ZNF33A: variants seen among roughly 807,000 people sequenced by gnomAD.
ZNF33A encodes zinc finger protein 33A.
ZNF33A carries 9 observed loss-of-function variants against 15.9 expected under a neutral mutation model. The ratio of observed to expected loss-of-function variants is 0.57; its 90% CI spans 0.34 to 0.99. ZNF33A has a LOEUF of 0.99. Ranked by LOEUF, ZNF33A falls within the 50% of genes least tolerant of loss-of-function variation. ZNF33A has a pLI of 0.02. For synonymous variants in ZNF33A, 294 were observed against 324.2 expected, an observed-to-expected ratio of 0.91 and a Z score of 1.00; for missense variants, 843 against 941.6, an observed-to-expected ratio of 0.90 and a Z score of 1.37.
intron 4 of ZNF33A, among the ~76,000 whole-genome samples, chr10:38,041,289 C>T (rs543025161): frequency 6.6e-6 from 1 of 150,956 alleles, no homozygotes; most frequent in Admixed American, 6.7e-5. Flanking sequence ...TGTCCAGTGT[C>T]TCTCATTCCA....
chr10:38,054,547 G>T lies in ZNF33A; in HGVS notation c.423G>T (p.Gln141His), dbSNP rs138087023. Residue 141 changes from glutamine to histidine, a missense_variant, in exon 5 of 5, where the codon CAG becomes CAT. By Grantham distance (24) the Gln-to-His change is conservative. Coordinates refer to ENST00000432900, the MANE Select transcript of ZNF33A (RefSeq NM_006954.2). ...SSFPSRKMFC[Q>H]CDSCGMSFNT... The stretch of plus-strand genomic sequence containing the variant: ...TTCCTTCCAGAAAAATGTTCTGTCA[G>T]TGTGATTCATGTGGAATGAGTTTCA... The T allele has an allele frequency of 1.7e-4, 279 of 1,612,676 alleles. 1 individual carries two copies. The African/African-American group carries it at 2.8e-3, about 16-fold the overall frequency.
chr10:38,037,536 G>A (rs2135673611), intron 4 of ZNF33A, among the ~76,000 whole-genome samples: 1 of 152,096 alleles, frequency 6.6e-6, no homozygotes, highest in South Asian at 2.1e-4. Context: ...ATATTGGCCA[G>A]GCTGGTCTTG....
chr10:38,063,404 T>G (rs2066678725), downstream of ZNF33A, among the ~76,000 whole-genome samples: 1 of 152,166 alleles, frequency 6.6e-6, no homozygotes, highest in South Asian at 2.1e-4. Context: ...CCAAGAGGCT[T>G]GAACTTGACA....
upstream of ZNF33A, chr10:38,010,552 C>T (rs1158373092): frequency 2.6e-6 from 2 of 772,690 alleles, no homozygotes; most frequent in Non-Finnish European, 4.5e-6. Flanking sequence ...CGGGGCACTT[C>T]TCTACCAATC....
intron 4 of ZNF33A, among the ~76,000 whole-genome samples, chr10:38,047,035 C>T (rs2065971471): frequency 6.6e-6 from 1 of 151,488 alleles, no homozygotes; most frequent in Non-Finnish European, 1.5e-5. Context: ...AAAAAATTAG[C>T]TGGGTGTGGT....
intron 4 of ZNF33A, among the ~76,000 whole-genome samples, chr10:38,044,800 T>TG (rs1298431096): frequency 6.6e-6 from 1 of 152,022 alleles, no homozygotes; most frequent in Non-Finnish European, 1.5e-5. Context: ...CCAGAGTAGC[T>TG]GGGATTACAA....
intron 2 of ZNF33A, among the ~76,000 whole-genome samples, chr10:38,015,164 T>A (rs1470030462): frequency 6.6e-6 from 1 of 152,152 alleles, no homozygotes; most frequent in African/African-American, 2.4e-5. Context: ...TGTGAGCCAC[T>A]GTGCCTGGCC....
chr10:38,026,744 T>C (rs2065009159), intron 4 of ZNF33A, among the ~76,000 whole-genome samples: 2 of 152,242 alleles, frequency 1.3e-5, no homozygotes, highest in East Asian at 3.8e-4. Flanking sequence ...GGGATCTAAC[T>C]TTATTTTCTC....
chr10:38,030,828 T>G (rs373293043), intron 4 of ZNF33A, among the ~76,000 whole-genome samples: 130 of 152,186 alleles, frequency 8.5e-4, no homozygotes, highest in African/African-American at 3.0e-3. Context: ...AGAGGGGAGA[T>G]GGGTGGGATT....
At chr10:38,043,940 G>T (rs2065830116) in intron 4 of ZNF33A, 1 of 147,924 alleles carries the variant, frequency 6.8e-6, no homozygotes, top group African/African-American at 2.5e-5. Context: ...TCTTGGTATT[G>T]TTCCAGTTTT....
chr10:38,036,607 A>G (rs1014723884), intron 4 of ZNF33A, among the ~76,000 whole-genome samples: 4 of 152,186 alleles, frequency 2.6e-5, no homozygotes, highest in African/African-American at 9.7e-5. Flanking sequence ...CTTGGTAAAA[A>G]AAAAATCTAC....
chr10:38,060,164 C>A, downstream of ZNF33A: 1 of 842,428 alleles, frequency 1.2e-6, no homozygotes. Flanking sequence ...TTTTGTACAT[C>A]CTTAATATAT....
rs534232449 is a variant in ZNF33A at position 38,055,088 on chromosome 10, G to T, written c.964G>T (p.Gly322Cys). 1.2e-6 allele frequency: 2 copies of T among 1,613,984 alleles called. No homozygotes were observed. The highest frequency in any genetic ancestry group is 1.7e-6 in the Non-Finnish European group (2 of 1,179,990). ...RKLCLSHLQK[G>C]DKGEKHFECN... ...ATTGTGTCTGTCACACCTTCAGAAAGGTGATAAAGGAGAGAAACACTTTGA... is the reference window on the plus strand; with the variant it reads ...ATTGTGTCTGTCACACCTTCAGAAATGTGATAAAGGAGAGAAACACTTTGA... Residue 322 changes from glycine (G) to cysteine (C), a missense_variant, in exon 5 of 5, where the codon GGT becomes TGT. Gly to Cys is a radical substitution (Grantham distance 159). Transcript: ENST00000432900.
chr10:38,036,879 T>C (rs1475040917), intron 4 of ZNF33A, among the ~76,000 whole-genome samples: 5 of 152,260 alleles, frequency 3.3e-5, no homozygotes, highest in African/African-American at 1.2e-4. Flanking sequence ...AGTTGGAGGA[T>C]AGAAGCTTAA....
intron 4 of ZNF33A, among the ~76,000 whole-genome samples, chr10:38,052,795 A>T (rs2504123): frequency 0.06 from 9,092 of 152,116 alleles, 352 homozygotes; most frequent in Middle Eastern, 0.095. Flanking sequence ...CACATCTAGT[A>T]GTTTTATTAA....
chr10:38,017,075 C>A (rs1418664925), intron 3 of ZNF33A, 60 bp downstream of exon 3: 1 of 1,566,848 alleles, frequency 6.4e-7, no homozygotes, highest in East Asian at 2.2e-5. Flanking sequence ...GATTATGAAG[C>A]GTATGGGCAG....
At chr10:38,046,070 G>A (rs1186135684) in intron 4 of ZNF33A, among the ~76,000 whole-genome samples, 1 of 152,184 alleles carries the variant, frequency 6.6e-6, no homozygotes, top group East Asian at 1.9e-4. Context: ...TTCTCAGACT[G>A]CCATGACTGG....
At chr10:38,066,522 GATTAC>G (rs1461391668), downstream of ZNF33A, among the ~76,000 whole-genome samples, 1 of 151,962 alleles carries the variant, frequency 6.6e-6, no homozygotes, top group Non-Finnish European at 1.5e-5. Flanking sequence ...AAAGTGCTGG[GATTAC>G]AGGCATGAGC....
At position 38,057,561 on chromosome 10, in the gene ZNF33A, T is replaced by C; in HGVS notation, c.*1001T>C. 1.0e-6 allele frequency: 1 copy of C among 984,748 alleles called. No individual in the cohort carries two copies. Among genetic ancestry groups the C allele is most frequent in the Non-Finnish European group, 1.2e-6 (1 of 829,290 alleles). The allele number at this position is 984,748 out of a possible 1,614,324, so 61.0% of individuals were successfully genotyped here. On this transcript the variant is annotated 3_prime_UTR_variant, in exon 5 of 5. Transcript: ENST00000432900. ...CCCATCCCAGATGTTTGTGATGTCC[T>C]GAAACAATTTAAAAGGAGACCCACA... is the stretch of plus-strand genomic sequence containing the variant.
Sources: allele counts gnomAD v4.1 joint callset (sites outside exome capture counted in the v4.1 genomes callset), GRCh38; gene constraint gnomAD v4.1.1; transcripts MANE v1.5; gene names NCBI Gene and HGNC (gene_info 2026-07-23, HGNC 2026-07-21).